LEPR: variants seen among roughly 807,000 people sequenced by gnomAD.
The protein encoded by LEPR is leptin receptor, also known as OB receptor.
LEPR carries 56 observed loss-of-function variants against 114.7 expected under a neutral mutation model. The observed-to-expected ratio is 0.49, with a 90% CI of 0.39 to 0.61. The LOEUF (loss-of-function observed/expected upper bound fraction) is 0.61. LEPR is among the 20% of genes least tolerant of loss of function. The probability of loss-of-function intolerance (pLI) is 0.00; values close to 1 mark genes in which losing one functional copy is unlikely to be tolerated. For missense variants in LEPR, 1,202 were observed against 1,352.9 expected, an observed-to-expected ratio of 0.89 and a Z score of 1.75; for synonymous variants, 443 against 461.4, an observed-to-expected ratio of 0.96 and a Z score of 0.51.
chr1:65,601,754 A>G lies in LEPR; in HGVS notation c.1285+72A>G. On this transcript the variant is annotated intron_variant, in intron 9 of 19. Coordinates refer to ENST00000349533, the MANE Select transcript of LEPR (RefSeq NM_002303.6). ...TCATTATGGACCCTCCTTATATTAG[A>G]GTCCTGTTAAAGATGTAAGAAAAAA... 4.4e-6 allele frequency: 7 copies of G among 1,603,850 alleles called. No homozygotes were observed. In the Admixed American group the frequency reaches 1.0e-4, roughly 23 times the overall value.
At chr1:65,466,907 A>T (rs897687038) in intron 2 of LEPR, among the ~76,000 whole-genome samples, 4 of 152,020 alleles carry the variant, frequency 2.6e-5, no homozygotes, top group African/African-American at 9.7e-5. Flanking sequence ...TACATTGTTT[A>T]TTCTAGTTAG....
At chr1:65,583,075 AAGAC>A (rs1655099059) in intron 5 of LEPR, among the ~76,000 whole-genome samples, 1 of 152,202 alleles carries the variant, frequency 6.6e-6, no homozygotes, top group African/African-American at 2.4e-5. Context: ...ACATTGGACA[AAGAC>A]AGACAGAACT....
At chr1:65,457,213 A>T (rs927651517) in intron 2 of LEPR, among the ~76,000 whole-genome samples, 2 of 152,230 alleles carry the variant, frequency 1.3e-5, no homozygotes, top group Non-Finnish European at 2.9e-5. Context: ...ATATAACCTA[A>T]TACGTTATTG....
chr1:65,518,873 T>TTTTCTTTCTTTCTTTCTTTCTTTCTTTC (rs55672943), intron 2 of LEPR, among the ~76,000 whole-genome samples: 8 of 117,214 alleles, frequency 6.8e-5, no homozygotes, highest in East Asian at 2.3e-4. Context: ...CTTTCTTTCT[T>TTTTCTTTCTTTCTTTCTTTCTTTCTTTC]TTTCTTTCTT....
rs1197546260 is a variant in LEPR at position 65,641,420 on chromosome 1, G to C, written c.*4405G>C. On this transcript the variant is annotated 3_prime_UTR_variant, in exon 20 of 20. Coordinates refer to ENST00000349533, the MANE Select transcript of LEPR (RefSeq NM_002303.6). Reference sequence around the variant, plus strand: ...AGTGCCAAGATATGCATCACTAACTGTTCTATGAAATTTGTCTACTTCTCC... The same window carrying C: ...AGTGCCAAGATATGCATCACTAACTCTTCTATGAAATTTGTCTACTTCTCC... The C allele has an allele frequency of 1.3e-5, 2 of 152,274 alleles. No homozygotes were observed. The highest frequency in any genetic ancestry group is 3.9e-4 in the East Asian group (2 of 5,184). 9.4% of individuals were successfully genotyped at this position (152,274 alleles called of 1,614,324 possible). A position where few individuals can be genotyped will look rare whatever the true frequency, so the allele number is the denominator to read the frequency against.
At chr1:65,508,232 T>C (rs1225004124) in intron 2 of LEPR, among the ~76,000 whole-genome samples, 1 of 152,196 alleles carries the variant, frequency 6.6e-6, no homozygotes, top group African/African-American at 2.4e-5. Flanking sequence ...TTGCCTGTGG[T>C]TTTGGCATTA....
At chr1:65,618,298 C>A in intron 16 of LEPR, 152 bp downstream of exon 16, 1 of 580,886 alleles carries the variant, frequency 1.7e-6, no homozygotes, top group Non-Finnish European at 2.8e-6. Flanking sequence ...TTTATCAAAA[C>A]ATTTAATTCT....
At chr1:65,587,133 C>G (rs1655366322) in intron 5 of LEPR, among the ~76,000 whole-genome samples, 1 of 151,942 alleles carries the variant, frequency 6.6e-6, no homozygotes, top group African/African-American at 2.4e-5. Context: ...AATTTTCTAT[C>G]ATTTAAAATG....
At chr1:65,610,800 T>A (rs1657119783) in intron 14 of LEPR, among the ~76,000 whole-genome samples, 1 of 152,232 alleles carries the variant, frequency 6.6e-6, no homozygotes, top group Non-Finnish European at 1.5e-5. Context: ...CTCTCCCAAA[T>A]GAACTGATTT....
chr1:65,601,387 T>C lies in LEPR; in HGVS notation c.995-5T>C. 1 of 1,611,962 alleles carries C rather than the reference T, an allele frequency of 6.2e-7. No homozygotes were observed. Among genetic ancestry groups the C allele is most frequent in the Non-Finnish European group, 8.5e-7 (1 of 1,179,402 alleles). ...CATCTGATATCCTTTCTTCCCTCAT[T>C]ACAGATGTCATATACTTTCCACCTA... On this transcript the variant is annotated splice_polypyrimidine_tract_variant and splice_region_variant and intron_variant, in intron 8 of 19. Transcript: ENST00000349533.
chr1:65,525,900 C>A (rs974658232), intron 2 of LEPR: 4 of 949,160 alleles, frequency 4.2e-6, no homozygotes, highest in African/African-American at 1.8e-5. Context: ...CTTTGGGACG[C>A]GCGTGGCAGA....
At chr1:65,488,258 T>TTCTTTCTTTCTTTCTTTCTC (rs1647674466) in intron 2 of LEPR, among the ~76,000 whole-genome samples, 1 of 129,944 alleles carries the variant, frequency 7.7e-6, no homozygotes, top group South Asian at 2.6e-4. Flanking sequence ...CTTTCTTTCT[T>TTCTTTCTTTCTTTCTTTCTC]TTCTTTCTCT....
At chr1:65,544,558 G>C (rs1020501564) in intron 2 of LEPR, among the ~76,000 whole-genome samples, 2 of 151,918 alleles carry the variant, frequency 1.3e-5, no homozygotes, top group African/African-American at 2.4e-5. Context: ...TGCCCATTCA[G>C]TATGATATTG....
intron 5 of LEPR, among the ~76,000 whole-genome samples, chr1:65,588,721 A>T (rs1482868991): frequency 6.6e-6 from 1 of 152,066 alleles, no homozygotes; most frequent in African/African-American, 2.4e-5. Context: ...TTTCATATAC[A>T]TGATTATCTT....
At chr1:65,434,588 C>T in intron 2 of LEPR, 1 of 985,422 alleles carries the variant, frequency 1.0e-6, no homozygotes, top group Non-Finnish European at 1.2e-6. Flanking sequence ...AAGGTGCCTG[C>T]CTGAGTTTTG....
At chr1:65,497,989 A>T (rs983589703) in intron 2 of LEPR, among the ~76,000 whole-genome samples, 37 of 152,136 alleles carry the variant, frequency 2.4e-4, no homozygotes, top group African/African-American at 8.4e-4. Flanking sequence ...CATCTTTTGA[A>T]AACATCTTAG....
chr1:65,596,950 A>G (rs1656104994), intron 7 of LEPR, among the ~76,000 whole-genome samples: 1 of 152,112 alleles, frequency 6.6e-6, no homozygotes, highest in South Asian at 2.1e-4. Context: ...ATCTTCTGCT[A>G]GCCCGATCTG....
chr1:65,482,093 C>T (rs1194794871), intron 2 of LEPR, among the ~76,000 whole-genome samples: 2 of 147,712 alleles, frequency 1.4e-5, no homozygotes, highest in African/African-American at 5.0e-5. Context: ...TTAAAAGTTA[C>T]AATTTAATTT....
chr1:65,433,084 G>T, intron 2 of LEPR: 1 of 985,374 alleles, frequency 1.0e-6, no homozygotes, highest in Non-Finnish European at 1.2e-6. Context: ...CAGCCCCTGC[G>T]TTAGCAGGAG....
Sources: gnomAD v4.1 joint callset for allele counts (sites outside exome capture counted in the v4.1 genomes callset) on GRCh38, gnomAD v4.1.1 for gene constraint, MANE v1.5 for transcripts, NCBI Gene and HGNC (gene_info 2026-07-23, HGNC 2026-07-21) for gene names.